Variants in ZNF506 observed in about 807,000 individuals in gnomAD.
The protein encoded by ZNF506 is zinc finger protein 506.
A neutral mutation model predicts 11.6 loss-of-function variants in ZNF506; 10 were observed. The observed-to-expected ratio is 0.86, with a 90% CI of 0.53 to 1.46. The LOEUF is 1.46. Among genes scored for constraint, ZNF506 ranks in the 40% most tolerant of loss-of-function variants. ZNF506 has a pLI of 0.00. For missense variants in ZNF506, 425 were observed against 521.2 expected (o/e 0.82, Z 1.80); for synonymous variants, 156 against 173.3 (o/e 0.90, Z 0.78).
In ZNF506 at chr19:19,794,711, A is replaced by G. The variant is rs2062723505; in HGVS notation, c.1176T>C (p.Thr392=). The change falls in exon 4 of 4, where the codon ACT becomes ACC. Residue 392 remains threonine, a synonymous_variant. Coordinates refer to ENST00000540806, the MANE Select transcript of ZNF506 (RefSeq NM_001099269.3). ...CTTCACATTTGTACGGTTTCTCTCCAGTATGAATTATCTTATGTTCAGTTA... is the reference window on the plus strand; with the variant it reads ...CTTCACATTTGTACGGTTTCTCTCCGGTATGAATTATCTTATGTTCAGTTA... The part of the protein sequence containing the change: ...STLTEHKIIH[T]GEKPYKCEEC... The G allele has an allele frequency of 6.2e-7, 1 of 1,613,892 alleles. No homozygotes were observed. Among genetic ancestry groups the G allele is most frequent in the Admixed American group, 1.7e-5 (1 of 60,006 alleles).
At chr19:19,817,603 CTG>C (rs1196134902) in intron 1 of ZNF506, among the ~76,000 whole-genome samples, 1 of 152,086 alleles carries the variant, frequency 6.6e-6, no homozygotes, top group Non-Finnish European at 1.5e-5. Flanking sequence ...TCTTCTATGG[CTG>C]GGGTGAGCAG....
chr19:19,797,533 CAACG>C (rs1027040523), intron 3 of ZNF506: 14 of 147,776 alleles, frequency 9.5e-5, no homozygotes, highest in African/African-American at 3.0e-4. Flanking sequence ...ACGAGGATAA[CAACG>C]AAAAAATATT....
chr19:19,793,767 TAAGCAC>T lies in ZNF506; in HGVS notation c.*779_*784del, dbSNP rs2062713734. On this transcript the variant is annotated 3_prime_UTR_variant, in exon 4 of 4. Coordinates refer to ENST00000540806, the MANE Select transcript of ZNF506 (RefSeq NM_001099269.3). ...AAAAGCTTTCCTGTGAAATAAGGTG[TAAGCAC>T]TCAAAAGTTTTGCCACATTCTTCAC... The T allele has an allele frequency of 6.6e-6, 1 of 152,254 alleles. No individual in the cohort carries two copies. The highest frequency in any genetic ancestry group is 2.1e-4 in the South Asian group (1 of 4,830). 9.4% of individuals were successfully genotyped at this position (152,254 alleles called of 1,614,324 possible).
chr19:19,807,175 G>A (rs904198020), intron 1 of ZNF506, 107 bp from the exon 2 acceptor site: 3 of 1,530,432 alleles, frequency 2.0e-6, no homozygotes, highest in South Asian at 1.2e-5. Flanking sequence ...TGACTTATAG[G>A]ACTAAAATTA....
chr19:19,794,667 T>G lies in ZNF506; in HGVS notation c.1220A>C (p.Asn407Thr). The G allele has an allele frequency of 6.2e-7, 1 of 1,614,156 alleles. No individual in the cohort carries two copies. Residue 407 changes from asparagine to threonine, a missense_variant, in exon 4 of 4, where the codon AAC becomes ACC. By Grantham distance (65) the Asn-to-Thr change is moderately conservative. Coordinates refer to ENST00000540806, the MANE Select transcript of ZNF506 (RefSeq NM_001099269.3). ...ATGTTTATTAAGGGCTGAGGACCAG[T>G]TAAAAGCTTTGCCACATTCTTCACA... ...YKCEECGKAF[N>T]WSSALNKHKK...
Position 19,794,692 on chromosome 19 carries a change from A to G in ZNF506, c.1195T>C (p.Cys399Arg). Residue 399 changes from cysteine to arginine, a missense_variant, in exon 4 of 4, where the codon TGT (cysteine) becomes CGT (arginine). Physicochemically the swap from Cys to Arg is radical, Grantham distance 180 (BLOSUM62 -3). Around this residue, in one of 3 missense-constraint regions of ZNF506, gnomAD observed 192 missense variants for 215.7 expected, o/e 0.89. Coordinates refer to ENST00000540806, the MANE Select transcript of ZNF506 (RefSeq NM_001099269.3). Reference protein sequence around the residue: ...IIHTGEKPYKCEECGKAFNWS... With the variant: ...IIHTGEKPYKREECGKAFNWS... ...TTAAAAGCTTTGCCACATTCTTCAC[A>G]TTTGTACGGTTTCTCTCCAGTATGA... 4.3e-6 allele frequency: 7 copies of G among 1,614,054 alleles called. No individual in the cohort carries two copies. Among genetic ancestry groups the G allele is most frequent in the Non-Finnish European group, 5.9e-6 (7 of 1,180,000 alleles).
At chr19:19,803,893 G>A (rs2062814730) in intron 3 of ZNF506, among the ~76,000 whole-genome samples, 1 of 152,064 alleles carries the variant, frequency 6.6e-6, no homozygotes, top group Non-Finnish European at 1.5e-5. Context: ...AGAAAAATAA[G>A]TAAAATGCTG....
At position 19,794,495 on chromosome 19, in the gene ZNF506, G is replaced by T. The variant is rs1039053498; in HGVS notation, c.*57C>A. 11 of 1,475,488 alleles carry T rather than the reference G, an allele frequency of 7.5e-6. No individual in the cohort carries two copies. In the Admixed American group the frequency reaches 8.6e-5, roughly 12 times the overall value. 91.4% of individuals were successfully genotyped at this position (1,475,488 alleles called of 1,614,324 possible). A position where few individuals can be genotyped will look rare whatever the true frequency, so the allele number is the denominator to read the frequency against. On this transcript the variant is annotated 3_prime_UTR_variant, in exon 4 of 4. Transcript: ENST00000540806. ...TTCTCATATTTAGTCAGAGTCCAGGGCTAGTTAAAGGCTTTCCCACATTCA... is the reference window on the plus strand; with the variant it reads ...TTCTCATATTTAGTCAGAGTCCAGGTCTAGTTAAAGGCTTTCCCACATTCA...
rs546840633 is a variant in ZNF506, at chr19:19,806,792, T to C, written c.130+150A>G. The C allele has an allele frequency of 6.0e-6, 6 of 1,000,908 alleles. 1 individual carries two copies. The highest frequency in any genetic ancestry group is 3.2e-5 in the East Asian group (1 of 30,792). The allele number at this position is 1,000,908 out of a possible 1,614,324, so 62.0% of individuals were successfully genotyped here. ...ATGAAACATCATGAAGAAATTCTTT[T>C]CTAAATGAAAAAATTCTGAAGATTT... On this transcript the variant is annotated intron_variant, in intron 2 of 3. Coordinates refer to ENST00000540806, the MANE Select transcript of ZNF506 (RefSeq NM_001099269.3).
intron 1 of ZNF506, among the ~76,000 whole-genome samples, chr19:19,816,809 CCTTT>C (rs1352721631): frequency 7.9e-6 from 1 of 126,258 alleles, no homozygotes; most frequent in Non-Finnish European, 1.6e-5. Context: ...TAAAATATTT[CCTTT>C]TTTTTTTTTT....
chr19:19,800,760 A>G (rs1445474574), intron 3 of ZNF506, among the ~76,000 whole-genome samples: 1 of 152,110 alleles, frequency 6.6e-6, no homozygotes, highest in Non-Finnish European at 1.5e-5. Context: ...TTGACAGATA[A>G]CACATTTTGT....
At chr19:19,800,391 A>AATATATATATATATATTTTTAT (rs1460340025) in intron 3 of ZNF506, among the ~76,000 whole-genome samples, 1 of 139,244 alleles carries the variant, frequency 7.2e-6, no homozygotes. Flanking sequence ...AACTAAACAG[A>AATATATATATATATATTTTTAT]ATATATATAT....
intron 3 of ZNF506, chr19:19,796,342 GTAT>G (rs1344546418): frequency 6.6e-6 from 1 of 152,098 alleles, no homozygotes; most frequent in Non-Finnish European, 1.5e-5. Flanking sequence ...AACAAGAAAA[GTAT>G]TGGCACATAC....
chr19:19,808,056 A>G (rs2062849311), intron 1 of ZNF506, among the ~76,000 whole-genome samples: 1 of 149,614 alleles, frequency 6.7e-6, no homozygotes, highest in South Asian at 2.1e-4. Context: ...AAATAACTCT[A>G]TAGTGAAAAA....
In ZNF506 at chr19:19,792,901, A is replaced by T. The variant is rs528853813; in HGVS notation, c.*1651T>A. On this transcript the variant is annotated 3_prime_UTR_variant, in exon 4 of 4. Coordinates refer to ENST00000540806, the MANE Select transcript of ZNF506 (RefSeq NM_001099269.3). The stretch of plus-strand genomic sequence containing the variant: ...CTTATACATTACTTAATATAAGTTA[A>T]CTACAAAGAGCCTCTCCACTTACAT... 1.2e-3 allele frequency among the ~76,000 whole-genome samples: 182 copies of T among 152,124 alleles called. No individual in the cohort carries two copies. The highest frequency in any genetic ancestry group is 4.3e-3 in the African/African-American group (177 of 41,390).
At chr19:19,795,820 C>T in intron 3 of ZNF506, 160 bp from the exon 4 acceptor site, 1 of 705,456 alleles carries the variant, frequency 1.4e-6, no homozygotes, top group Non-Finnish European at 2.2e-6. Flanking sequence ...GTAACAAAAA[C>T]ATACTGACCA....
intron 3 of ZNF506, among the ~76,000 whole-genome samples, chr19:19,804,581 G>C (rs1338780216): frequency 1.3e-5 from 2 of 152,146 alleles, no homozygotes; most frequent in Admixed American, 1.3e-4. Context: ...TCCCATTACT[G>C]GGTATATACC....
At chr19:19,812,351 GA>G (rs2062889750) in intron 1 of ZNF506, among the ~76,000 whole-genome samples, 1 of 152,262 alleles carries the variant, frequency 6.6e-6, no homozygotes, top group South Asian at 2.1e-4. Flanking sequence ...ATTCTAAATA[GA>G]AAATGGAACT....
At chr19:19,808,761 T>C (rs1438756376) in intron 1 of ZNF506, among the ~76,000 whole-genome samples, 2 of 145,714 alleles carry the variant, frequency 1.4e-5, no homozygotes, top group Non-Finnish European at 3.0e-5. Flanking sequence ...GAGAATTGTT[T>C]GACCCCGGGA....
Sources: gnomAD v4.1 joint callset for allele counts (sites outside exome capture counted in the v4.1 genomes callset) on GRCh38, gnomAD v4.1.1 for gene constraint, gnomAD v4.1.1 regional missense constraint, MANE v1.5 for transcripts, NCBI Gene and HGNC (gene_info 2026-07-23, HGNC 2026-07-21) for gene names.